The following CNTN6 variants were observed in gnomAD, a reference collection of about 807,000 sequenced individuals.
CNTN6 encodes contactin 6, also known as contactin-6.
A neutral mutation model predicts 122.8 loss-of-function variants in CNTN6; 137 were observed. The observed-to-expected ratio is 1.12, with a 90% confidence interval of 0.97 to 1.29. The LOEUF (loss-of-function observed/expected upper bound fraction) is 1.29, where lower values mean the gene tolerates loss of function less well. CNTN6 is among the 50% of genes most tolerant of loss of function. The pLI is 0.00. For synonymous variants in CNTN6, 570 were observed against 426.0 expected, an observed-to-expected ratio of 1.34 and a Z score of -4.16; for missense variants, 1,634 against 1,223.4, an observed-to-expected ratio of 1.34 and a Z score of -5.01.
intron 7 of CNTN6, among the ~76,000 whole-genome samples, chr3:1,317,111 T>C (rs1044771470): frequency 6.6e-6 from 1 of 151,984 alleles, no homozygotes; most frequent in African/African-American, 2.4e-5. Context: ...ACTGTGAAAT[T>C]GTATAAACCT....
At chr3:1,238,023 C>CAA (rs200264002) in intron 4 of CNTN6, among the ~76,000 whole-genome samples, 1 of 149,012 alleles carries the variant, frequency 6.7e-6, no homozygotes, top group African/African-American at 2.5e-5. Context: ...GAAAACAAAA[C>CAA]AAAAAAAAAC....
chr3:1,168,796 G>C (rs1425405687), intron 2 of CNTN6, among the ~76,000 whole-genome samples: 1 of 152,108 alleles, frequency 6.6e-6, no homozygotes, highest in African/African-American at 2.4e-5. Context: ...TCTAGGCTTA[G>C]TGGAGTTAAT....
At chr3:1,386,632 T>C (rs1692994499) in intron 20 of CNTN6, among the ~76,000 whole-genome samples, 1 of 152,150 alleles carries the variant, frequency 6.6e-6, no homozygotes, top group East Asian at 1.9e-4. Context: ...TGAATAATAT[T>C]TACATATTCC....
intron 4 of CNTN6, among the ~76,000 whole-genome samples, chr3:1,273,407 T>C (rs1691733360): frequency 6.6e-6 from 1 of 152,206 alleles, no homozygotes; most frequent in Non-Finnish European, 1.5e-5. Context: ...CTAGAGTTTT[T>C]AAAGGTCTTA....
chr3:1,348,048 A>G (rs938778556), intron 11 of CNTN6, among the ~76,000 whole-genome samples: 6 of 150,642 alleles, frequency 4.0e-5, no homozygotes, highest in Admixed American at 3.4e-4. Flanking sequence ...AAGCCTACCT[A>G]TTGACTGCTA....
At chr3:1,397,286 A>T (rs1409330097) in intron 20 of CNTN6, among the ~76,000 whole-genome samples, 1 of 152,204 alleles carries the variant, frequency 6.6e-6, no homozygotes, top group Non-Finnish European at 1.5e-5. Flanking sequence ...ATAAATGAGA[A>T]ACTAAGATGT....
At chr3:1,152,898 A>G (rs1274537848) in intron 2 of CNTN6, among the ~76,000 whole-genome samples, 3 of 152,162 alleles carry the variant, frequency 2.0e-5, no homozygotes, top group Non-Finnish European at 2.9e-5. Flanking sequence ...TTATAACTCA[A>G]ACATAATAAA....
intron 7 of CNTN6, among the ~76,000 whole-genome samples, chr3:1,307,001 A>G (rs1279201362): frequency 1.3e-5 from 2 of 152,210 alleles, no homozygotes; most frequent in Non-Finnish European, 2.9e-5. Flanking sequence ...TCATTCCATC[A>G]TTAATTCCTT....
At chr3:1,155,749 T>G (rs2092947829) in intron 2 of CNTN6, among the ~76,000 whole-genome samples, 1 of 152,154 alleles carries the variant, frequency 6.6e-6, no homozygotes, top group Non-Finnish European at 1.5e-5. Context: ...TTTTTATTCC[T>G]TTTTAGTTCT....
At chr3:1,256,002 G>T (rs572092439) in intron 4 of CNTN6, among the ~76,000 whole-genome samples, 1 of 152,016 alleles carries the variant, frequency 6.6e-6, no homozygotes, top group Non-Finnish European at 1.5e-5. Context: ...CCAAGCAGCT[G>T]GGAATACAGG....
At position 1,389,081 on chromosome 3, in the gene CNTN6, C is replaced by T. The variant is rs558566188; in HGVS notation, c.2704+3284C>T. ...CAGAGAACGCCACAAAGATACTCCT[C>T]GAGAAGAGCAACTCCAAGACACATA... On this transcript the variant is annotated intron_variant, in intron 20 of 22. Coordinates refer to ENST00000446702, the MANE Select transcript of CNTN6 (RefSeq NM_001289080.2). Among the ~76,000 whole-genome samples, 80 of 145,472 alleles carry T rather than the reference C, an allele frequency of 5.5e-4. 2 individuals are homozygous for T. The East Asian group carries it at 0.014, about 26-fold the overall frequency.
chr3:1,101,727 A>G (rs73816451), intron 1 of CNTN6, among the ~76,000 whole-genome samples: 2,198 of 152,346 alleles, frequency 0.014, 53 homozygotes, highest in African/African-American at 0.05. Context: ...ACTGTAACAA[A>G]TTAAAGTGCT....
chr3:1,357,218 A>G (rs1706705539), intron 12 of CNTN6, among the ~76,000 whole-genome samples: 1 of 151,846 alleles, frequency 6.6e-6, no homozygotes, highest in Non-Finnish European at 1.5e-5. Context: ...TAATTTTGAT[A>G]AAAATAGGGG....
chr3:1,363,955 G>A (rs1385078413), intron 12 of CNTN6, among the ~76,000 whole-genome samples: 1 of 151,864 alleles, frequency 6.6e-6, no homozygotes, highest in Non-Finnish European at 1.5e-5. Context: ...CATCCTAACA[G>A]GTGTGATGTG....
chr3:1,391,625 G>A (rs1209357676), intron 20 of CNTN6, among the ~76,000 whole-genome samples: 4 of 151,476 alleles, frequency 2.6e-5, no homozygotes, highest in Non-Finnish European at 5.9e-5. Flanking sequence ...GTCCCTGTTT[G>A]CAGATGAGAT....
intron 1 of CNTN6, among the ~76,000 whole-genome samples, chr3:1,117,700 TTGCTAACCAA>T (rs1369283162): frequency 6.6e-6 from 1 of 152,172 alleles, no homozygotes; most frequent in African/African-American, 2.4e-5. Flanking sequence ...TCCCCAGAAC[TTGCTAACCAA>T]TGCATAGGGC....
intron 1 of CNTN6, among the ~76,000 whole-genome samples, chr3:1,135,782 C>T (rs1363371844): frequency 6.6e-6 from 1 of 152,066 alleles, no homozygotes; most frequent in South Asian, 2.1e-4. Context: ...CACCTGAGGT[C>T]AGTAGTTCAA....
chr3:1,329,122 T>G (rs1399687108), intron 10 of CNTN6, among the ~76,000 whole-genome samples: 1 of 151,328 alleles, frequency 6.6e-6, no homozygotes, highest in Non-Finnish European at 1.5e-5. Context: ...TATATGTGTG[T>G]GTGTTTCTTC....
chr3:1,258,581 T>C (rs1559633473), intron 4 of CNTN6, among the ~76,000 whole-genome samples: 1 of 152,030 alleles, frequency 6.6e-6, no homozygotes, highest in Non-Finnish European at 1.5e-5. Context: ...TAAAAAAGCG[T>C]GGGGTGAAGC....
Sources: gnomAD v4.1 joint callset for allele counts (sites outside exome capture counted in the v4.1 genomes callset) on GRCh38, gnomAD v4.1.1 for gene constraint, MANE v1.5 for transcripts, NCBI Gene and HGNC (gene_info 2026-07-23, HGNC 2026-07-21) for gene names.